The following FAM184A variants were observed in gnomAD, a reference collection of about 807,000 sequenced individuals.
FAM184A encodes the protein protein FAM184A.
Under a neutral mutation model 143.8 loss-of-function variants are expected in FAM184A, and 99 were observed. The ratio of observed to expected loss-of-function variants is 0.69; its 90% CI spans 0.58 to 0.81. FAM184A has a LOEUF of 0.81. Ranked by LOEUF, FAM184A falls within the 40% of genes least tolerant of loss-of-function variation. FAM184A has a pLI of 0.00. For synonymous variants in FAM184A, 427 were observed against 446.4 expected, an observed-to-expected ratio of 0.96 and a Z score of 0.55; for missense variants, 1,217 against 1,310.5, an observed-to-expected ratio of 0.93 and a Z score of 1.10.
At chr6:119,040,866 C>T (rs1208508503) in intron 1 of FAM184A, among the ~76,000 whole-genome samples, 2 of 152,148 alleles carry the variant, frequency 1.3e-5, no homozygotes, top group Non-Finnish European at 2.9e-5. Context: ...AAATTCTTAC[C>T]CCAAGCCGCA....
At chr6:119,070,212 A>G (rs1787631924) in intron 1 of FAM184A, among the ~76,000 whole-genome samples, 1 of 152,182 alleles carries the variant, frequency 6.6e-6, no homozygotes, top group South Asian at 2.1e-4. Context: ...ATTCAACTTC[A>G]CTACTTTTTA....
chr6:118,994,635 G>A (rs913487224), intron 9 of FAM184A, among the ~76,000 whole-genome samples: 5 of 151,412 alleles, frequency 3.3e-5, no homozygotes, highest in Non-Finnish European at 4.4e-5. Context: ...GCAGTGAACC[G>A]AGATTGCACC....
intron 1 of FAM184A, among the ~76,000 whole-genome samples, chr6:119,075,801 T>G (rs945798324): frequency 6.6e-6 from 1 of 152,204 alleles, no homozygotes; most frequent in Non-Finnish European, 1.5e-5. Flanking sequence ...TATACACTCA[T>G]GATGTCATGC....
intron 1 of FAM184A, among the ~76,000 whole-genome samples, chr6:119,077,696 G>C (rs1164122492): frequency 1.3e-5 from 2 of 152,192 alleles, no homozygotes; most frequent in African/African-American, 4.8e-5. Context: ...TCCTCTGAAA[G>C]TTGATTCTTC....
chr6:119,129,363 TG>T (rs1361042112), intron 1 of FAM184A, among the ~76,000 whole-genome samples: 4 of 152,216 alleles, frequency 2.6e-5, no homozygotes, highest in Admixed American at 6.5e-5. Flanking sequence ...AGAACTAACC[TG>T]GGCGCCTTAC....
chr6:119,132,765 A>G (rs894767076), intron 1 of FAM184A, among the ~76,000 whole-genome samples: 1 of 152,228 alleles, frequency 6.6e-6, no homozygotes, highest in Non-Finnish European at 1.5e-5. Context: ...AATTCTTGGA[A>G]GTTGGCACGT....
intron 14 of FAM184A, among the ~76,000 whole-genome samples, chr6:118,973,560 G>T (rs572289067): frequency 2.6e-4 from 40 of 152,262 alleles, no homozygotes; most frequent in Admixed American, 1.2e-3. Context: ...CACTAATTGT[G>T]ACTTTACTGA....
intron 1 of FAM184A, among the ~76,000 whole-genome samples, chr6:119,113,920 T>C (rs648672): frequency 0.077 from 11,658 of 152,184 alleles, 1,483 homozygotes; most frequent in African/African-American, 0.27. Context: ...TCAGCCTGAG[T>C]GACAGAGAAA....
At chr6:119,135,385 G>A (rs961609331) in intron 1 of FAM184A, among the ~76,000 whole-genome samples, 4 of 152,146 alleles carry the variant, frequency 2.6e-5, no homozygotes, top group South Asian at 2.1e-4. Context: ...TAAAGAATTG[G>A]TAATGCTGTG....
intron 1 of FAM184A, among the ~76,000 whole-genome samples, chr6:119,042,178 G>T (rs1786362778): frequency 6.6e-6 from 1 of 152,180 alleles, no homozygotes; most frequent in South Asian, 2.1e-4. Context: ...AGAACCGGGG[G>T]TACATGGTAA....
chr6:119,074,544 C>G (rs994282804), intron 1 of FAM184A, among the ~76,000 whole-genome samples: 4 of 151,852 alleles, frequency 2.6e-5, no homozygotes, highest in African/African-American at 9.7e-5. Context: ...AGAGGATGAA[C>G]CAGTCTCAAA....
intron 9 of FAM184A, among the ~76,000 whole-genome samples, chr6:118,980,716 G>C (rs1783994402): frequency 6.6e-6 from 1 of 152,296 alleles, no homozygotes; most frequent in South Asian, 2.1e-4. Flanking sequence ...TTTGAGGAAA[G>C]AGTATGTTAA....
chr6:119,020,213 T>G, intron 3 of FAM184A, 54 bp from the exon 4 acceptor site: 1 of 1,362,918 alleles, frequency 7.3e-7, no homozygotes, highest in Non-Finnish European at 9.7e-7. Flanking sequence ...TACTATGAGA[T>G]AAACAGTTTA....
intron 1 of FAM184A, among the ~76,000 whole-genome samples, chr6:119,138,623 ATTATTATTATTATTATTT>A (rs904303908): frequency 6.6e-4 from 13 of 19,644 alleles, no homozygotes; most frequent in East Asian, 1.9e-3. Context: ...TATTATTATT[ATTATTATTATTATTATTT>A]TTGAGACGGA....
intron 1 of FAM184A, among the ~76,000 whole-genome samples, chr6:119,054,646 A>T (rs1299405932): frequency 6.6e-6 from 1 of 152,188 alleles, no homozygotes; most frequent in Admixed American, 6.5e-5. Flanking sequence ...AAAGTGTGAC[A>T]TAAGAAGGGA....
chr6:119,021,811 AC>A (rs1785455979), intron 3 of FAM184A, among the ~76,000 whole-genome samples: 1 of 152,056 alleles, frequency 6.6e-6, no homozygotes, highest in Non-Finnish European at 1.5e-5. Flanking sequence ...CCCCGTCTTT[AC>A]AAAAAATTAA....
At position 119,003,610 on chromosome 6, in the gene FAM184A, G is replaced by A; in HGVS notation, c.1828C>T (p.Gln610Ter). The A allele has an allele frequency of 6.2e-7, 1 of 1,610,732 alleles. No individual in the cohort carries two copies. Among genetic ancestry groups the A allele is most frequent in the Non-Finnish European group, 8.5e-7 (1 of 1,178,446 alleles). Residue 610 changes from glutamine to a stop codon, truncating the protein, a stop_gained, in exon 8 of 18, where the codon CAA becomes TAA. Coordinates refer to ENST00000338891, the MANE Select transcript of FAM184A (RefSeq NM_024581.6). LOFTEE classifies it high-confidence loss of function. ...ALLNVEGELE[Q>*]ERQQHEETIA... ...GTTTCTTCATGCTGTTGCCTTTCTT[G>A]TTCTAGCTCACCCTGAAGAATAAAA...
intron 11 of FAM184A, among the ~76,000 whole-genome samples, chr6:118,976,761 C>T (rs1298002387): frequency 6.6e-6 from 1 of 151,894 alleles, no homozygotes; most frequent in African/African-American, 2.4e-5. Flanking sequence ...TCAAAAATAT[C>T]CCTAAAGGAG....
At chr6:119,114,169 A>C (rs959907641) in intron 1 of FAM184A, among the ~76,000 whole-genome samples, 1 of 152,198 alleles carries the variant, frequency 6.6e-6, no homozygotes. Context: ...GGGTGCCTAC[A>C]CTATCCCATA....
Sources: allele counts gnomAD v4.1 joint callset (sites outside exome capture counted in the v4.1 genomes callset), GRCh38; gene constraint gnomAD v4.1.1; transcripts MANE v1.5; gene names NCBI Gene and HGNC (gene_info 2026-07-23, HGNC 2026-07-21).